Variants in DZANK1 observed in about 807,000 individuals in gnomAD.
DZANK1 encodes the protein double zinc ribbon and ankyrin repeat-containing protein 1.
A neutral mutation model predicts 94.5 loss-of-function variants in DZANK1; 91 were observed. The ratio of observed to expected loss-of-function variants is 0.96; its 90% CI spans 0.81 to 1.15. The LOEUF (loss-of-function observed/expected upper bound fraction) is 1.15, where lower values mean the gene tolerates loss of function less well. DZANK1 is among the 50% of genes most tolerant of loss of function. The pLI is 0.00. For missense variants in DZANK1, 903 were observed against 916.4 expected, an observed-to-expected ratio of 0.99 and a Z score of 0.19; for synonymous variants, 312 against 325.3, an observed-to-expected ratio of 0.96 and a Z score of 0.44.
chr20:18,406,626 T>C (rs1162320843), intron 13 of DZANK1, among the ~76,000 whole-genome samples: 1 of 152,198 alleles, frequency 6.6e-6, no homozygotes, highest in South Asian at 2.1e-4. Context: ...CAAGTTGTAG[T>C]GGCTATGGTG....
chr20:18,452,308 G>A lies in DZANK1; in HGVS notation c.543+307C>T, dbSNP rs76519853. ...TAAGTTCCCACGTGATGCTGATGCT[G>A]CAGGTCTGGGGATCGCCTCTGAGAA... On this transcript the variant is annotated intron_variant, in intron 6 of 20. Transcript: ENST00000262547. Among the ~76,000 whole-genome samples, 692 of 152,260 alleles carry A rather than the reference G, an allele frequency of 4.5e-3. 6 individuals are homozygous for A. The highest frequency in any genetic ancestry group is 0.016 in the African/African-American group (659 of 41,542).
At chr20:18,398,435 C>G in intron 14 of DZANK1, 88 bp downstream of exon 14, 1 of 1,179,334 alleles carries the variant, frequency 8.5e-7, no homozygotes, top group Non-Finnish European at 1.3e-6. Flanking sequence ...AGGAGCCAGG[C>G]AAGATGCAGT....
chr20:18,405,650 A>G (rs1353936935), intron 13 of DZANK1, among the ~76,000 whole-genome samples: 2 of 152,256 alleles, frequency 1.3e-5, no homozygotes, highest in Non-Finnish European at 2.9e-5. Flanking sequence ...GAAAAAGCCT[A>G]CATCATTCAT....
intron 13 of DZANK1, among the ~76,000 whole-genome samples, chr20:18,412,182 C>T (rs144233341): frequency 8.9e-4 from 135 of 152,278 alleles, no homozygotes; most frequent in African/African-American, 3.2e-3. Flanking sequence ...ACTTTGTTGG[C>T]CAGACTAGAC....
At chr20:18,430,995 T>C (rs1568965220) in intron 9 of DZANK1, among the ~76,000 whole-genome samples, 2 of 152,044 alleles carry the variant, frequency 1.3e-5, no homozygotes. Context: ...GAAAAATACA[T>C]AAAAGGACAC....
chr20:18,393,324 G>A (rs922934124), intron 17 of DZANK1, among the ~76,000 whole-genome samples: 1 of 152,138 alleles, frequency 6.6e-6, no homozygotes, highest in African/African-American at 2.4e-5. Flanking sequence ...CGACATGCCT[G>A]TCCACTCACA....
At chr20:18,450,546 T>C (rs2059062914) in intron 6 of DZANK1, among the ~76,000 whole-genome samples, 1 of 152,256 alleles carries the variant, frequency 6.6e-6, no homozygotes, top group South Asian at 2.1e-4. Context: ...TTAAATTATG[T>C]TATTACACAT....
intron 11 of DZANK1, 138 bp downstream of exon 11, chr20:18,415,189 T>C: frequency 1.2e-6 from 1 of 847,414 alleles, no homozygotes; most frequent in Non-Finnish European, 1.6e-6. Context: ...TATCTCTATC[T>C]CCAGATTCTT....
At chr20:18,407,795 T>A (rs1389316598) in intron 13 of DZANK1, among the ~76,000 whole-genome samples, 12 of 152,192 alleles carry the variant, frequency 7.9e-5, no homozygotes, top group Admixed American at 7.9e-4. Context: ...AAAATATGCA[T>A]CAGAGTCTCT....
Position 18,394,549 on chromosome 20 carries a change from G to A in DZANK1, c.1612-199C>T, listed in dbSNP as rs553699025. 59 of 682,724 alleles carry A rather than the reference G, an allele frequency of 8.6e-5. 1 individual carries two copies. Among genetic ancestry groups the A allele is most frequent in the African/African-American group, 2.4e-4 (14 of 57,264 alleles). 42.3% of individuals were successfully genotyped at this position (682,724 alleles called of 1,614,324 possible). ...TTTGTCCGTTCTGCCCCTTACCCGC[G>A]GCTCAGTCTGGCCCCTCCTCCTCTC... On this transcript the variant is annotated intron_variant, in intron 15 of 20. Coordinates refer to ENST00000262547, the Ensembl canonical transcript of DZANK1.
At chr20:18,412,621 G>C in intron 13 of DZANK1, 25 bp downstream of exon 13, 2 of 1,606,654 alleles carry the variant, frequency 1.2e-6, no homozygotes, top group Non-Finnish European at 1.7e-6. Context: ...CTCCCGACCA[G>C]AAGAAAGGGC....
At chr20:18,465,323 T>C (rs1346765386) in exon 2 of DZANK1, 1 of 1,610,296 alleles carries the variant, frequency 6.2e-7, no homozygotes, top group African/African-American at 1.3e-5. Flanking sequence ...CTCGTAATGG[T>C]ATGATCTGAG....
intron 13 of DZANK1, among the ~76,000 whole-genome samples, chr20:18,411,370 T>G (rs1255956928): frequency 6.6e-6 from 1 of 152,130 alleles, no homozygotes; most frequent in Non-Finnish European, 1.5e-5. Flanking sequence ...AACAACTGTA[T>G]GCTAATAAAT....
intron 13 of DZANK1, among the ~76,000 whole-genome samples, chr20:18,409,052 A>G (rs2057101907): frequency 6.6e-6 from 1 of 152,218 alleles, no homozygotes; most frequent in South Asian, 2.1e-4. Flanking sequence ...CCATTTTGCA[A>G]GTTTGTTTGT....
At chr20:18,455,612 T>C (rs763939292) in intron 3 of DZANK1, among the ~76,000 whole-genome samples, 1 of 152,206 alleles carries the variant, frequency 6.6e-6, no homozygotes, top group Non-Finnish European at 1.5e-5. Flanking sequence ...CGGTCCCCAC[T>C]GGGTAGGTCT....
Position 18,389,701 on chromosome 20 carries a change from G to A in DZANK1, c.2018C>T (p.Pro673Leu), listed in dbSNP as rs368728828. The A allele has an allele frequency of 1.7e-5, 28 of 1,613,542 alleles. No individual in the cohort carries two copies. The African/African-American group carries it at 3.1e-4, about 18-fold the overall frequency. Residue 673 changes from proline to leucine, a missense_variant and splice_region_variant, in exon 19 of 21, where the codon CCG becomes CTG. By Grantham distance (98) the Pro-to-Leu change is moderately conservative. Transcript: ENST00000262547. ...TCTCCTTTCAATGTGTTTCACTTAC[G>A]GCCCCCACTGCTGGTCGATGTCTGC... is the stretch of plus-strand genomic sequence containing the variant.
intron 7 of DZANK1, among the ~76,000 whole-genome samples, chr20:18,447,368 C>G (rs1040690817): frequency 1.1e-4 from 16 of 152,182 alleles, no homozygotes; most frequent in Non-Finnish European, 2.1e-4. Context: ...GTCATCCAGG[C>G]TGGAGTGCAG....
At chr20:18,407,199 A>G (rs1015177052) in intron 13 of DZANK1, among the ~76,000 whole-genome samples, 2 of 152,154 alleles carry the variant, frequency 1.3e-5, no homozygotes, top group Non-Finnish European at 2.9e-5. Context: ...CTCAGTCCCA[A>G]TAGTGGTGGC....
intron 2 of DZANK1, among the ~76,000 whole-genome samples, chr20:18,460,758 T>C (rs1234679080): frequency 1.3e-5 from 2 of 152,134 alleles, no homozygotes; most frequent in Non-Finnish European, 2.9e-5. Context: ...GATTTAAGAT[T>C]GTGTTAATCT....
Sources: gnomAD v4.1 joint callset for allele counts (sites outside exome capture counted in the v4.1 genomes callset) on GRCh38, gnomAD v4.1.1 for gene constraint, MANE v1.5 for transcripts, NCBI Gene and HGNC (gene_info 2026-07-23, HGNC 2026-07-21) for gene names.